The following RHOA variants were observed in gnomAD, a reference collection of about 807,000 sequenced individuals.
RHOA encodes ras homolog family member A.
In RHOA, 3 loss-of-function variants were observed where a neutral mutation model predicts 17.5. The observed-to-expected ratio is 0.17, with a 90% CI of 0.08 to 0.44. The LOEUF is 0.44. RHOA is among the 20% of genes least tolerant of loss of function. The pLI, the probability that RHOA is intolerant of heterozygous loss-of-function variation, is 0.99. For missense variants in RHOA, 56 were observed against 242.3 expected (o/e 0.23, Z 5.10); for synonymous variants, 98 against 88.4 (o/e 1.11, Z -0.61).
At chr3:49,396,056 C>A (rs1456914559) in intron 1 of RHOA, among the ~76,000 whole-genome samples, 1 of 152,034 alleles carries the variant, frequency 6.6e-6, no homozygotes, top group Non-Finnish European at 1.5e-5. Flanking sequence ...CCAGAAATAA[C>A]TGAAATGCTC....
chr3:49,378,927 A>C (rs552508401), intron 1 of RHOA, among the ~76,000 whole-genome samples: 27 of 152,288 alleles, frequency 1.8e-4, no homozygotes, highest in African/African-American at 6.5e-4. Context: ...ATTAAAAAAT[A>C]AAGAACTCTT....
chr3:49,378,645 C>T (rs889733228), intron 1 of RHOA, among the ~76,000 whole-genome samples: 2 of 152,150 alleles, frequency 1.3e-5, no homozygotes, highest in Non-Finnish European at 2.9e-5. Flanking sequence ...GTCACCAAGG[C>T]TGGAATGCAG....
At chr3:49,391,733 C>A (rs1398642857) in intron 1 of RHOA, among the ~76,000 whole-genome samples, 1 of 151,718 alleles carries the variant, frequency 6.6e-6, no homozygotes, top group Non-Finnish European at 1.5e-5. Context: ...CTGGTCTGAA[C>A]TTCCCAACCT....
At chr3:49,376,082 CCA>C (rs2048221990) in intron 1 of RHOA, among the ~76,000 whole-genome samples, 3 of 152,032 alleles carry the variant, frequency 2.0e-5, no homozygotes, top group African/African-American at 7.2e-5. Context: ...CTCAGGTGAT[CCA>C]CCTGCCTCAG....
chr3:49,359,250 C>G lies in RHOA; in HGVS notation c.*959G>C. The G allele has an allele frequency of 1.0e-5, 2 of 192,824 alleles. No homozygotes were observed. Among genetic ancestry groups the G allele is most frequent in the Non-Finnish European group, 2.2e-5 (2 of 92,040 alleles). The allele number at this position is 192,824 out of a possible 1,614,324, so 11.9% of individuals were successfully genotyped here. A position where few individuals can be genotyped will look rare whatever the true frequency, so the allele number is the denominator to read the frequency against. ...AGAGACTGAGTGCCACCCATGAGAACTGGTGGCTCCTCTGGGAGGGAACCT... is the reference window on the plus strand; with the variant it reads ...AGAGACTGAGTGCCACCCATGAGAAGTGGTGGCTCCTCTGGGAGGGAACCT... On this transcript the variant is annotated 3_prime_UTR_variant, in exon 5 of 5. Transcript: ENST00000418115.
intron 3 of RHOA, among the ~76,000 whole-genome samples, chr3:49,367,625 G>A (rs1252049171): frequency 6.6e-6 from 1 of 151,828 alleles, no homozygotes; most frequent in Non-Finnish European, 1.5e-5. Flanking sequence ...AGGCTCAAGT[G>A]ATTCTCCTGC....
intron 3 of RHOA, among the ~76,000 whole-genome samples, chr3:49,364,579 T>G (rs1246607465): frequency 6.6e-6 from 1 of 151,994 alleles, no homozygotes; most frequent in East Asian, 1.9e-4. Context: ...GGAAATTCCT[T>G]GAACCAGGGA....
chr3:49,373,883 A>C (rs1035458900), intron 2 of RHOA, among the ~76,000 whole-genome samples: 1 of 152,080 alleles, frequency 6.6e-6, no homozygotes, highest in Non-Finnish European at 1.5e-5. Flanking sequence ...TTAAAAAAAA[A>C]AACAAAAACA....
chr3:49,371,412 T>C (rs1160886386), intron 2 of RHOA, among the ~76,000 whole-genome samples: 2 of 151,980 alleles, frequency 1.3e-5, no homozygotes, highest in Non-Finnish European at 2.9e-5. Flanking sequence ...CCCAAGTAGC[T>C]GGGATTACAA....
At chr3:49,391,227 A>C (rs1051121711) in intron 1 of RHOA, among the ~76,000 whole-genome samples, 2 of 138,204 alleles carry the variant, frequency 1.4e-5, no homozygotes, top group Non-Finnish European at 3.1e-5. Flanking sequence ...AAAAAAAAAA[A>C]AAAGAAATAC....
intron 1 of RHOA, among the ~76,000 whole-genome samples, chr3:49,389,357 A>AATAGGGACTCTCC (rs2048457755): frequency 6.6e-6 from 1 of 151,848 alleles, no homozygotes; most frequent in Non-Finnish European, 1.5e-5. Flanking sequence ...GGATGAGGCT[A>AATAGGGACTCTCC]ATAGGGACTC....
intron 1 of RHOA, among the ~76,000 whole-genome samples, chr3:49,391,640 T>C (rs1448608841): frequency 2.6e-5 from 4 of 151,706 alleles, no homozygotes; most frequent in Non-Finnish European, 2.9e-5. Flanking sequence ...GCCTCCCCGG[T>C]AGCTGGGATT....
intron 1 of RHOA, among the ~76,000 whole-genome samples, chr3:49,393,186 C>A (rs985732982): frequency 1.3e-5 from 2 of 151,918 alleles, no homozygotes; most frequent in Non-Finnish European, 2.9e-5. Flanking sequence ...ATAAAAAAAT[C>A]AGGTATTTTA....
intron 1 of RHOA, among the ~76,000 whole-genome samples, chr3:49,394,352 T>C (rs2048576765): frequency 1.3e-5 from 2 of 150,878 alleles, no homozygotes; most frequent in South Asian, 4.2e-4. Flanking sequence ...AAACCACTTT[T>C]TTGTTTTTGT....
intron 1 of RHOA, among the ~76,000 whole-genome samples, chr3:49,393,727 T>TGAGAGAGA (rs1439102234): frequency 5.3e-5 from 7 of 132,278 alleles, no homozygotes; most frequent in East Asian, 4.5e-4. Flanking sequence ...TGTGTGTGTG[T>TGAGAGAGA]GTGACAGAAT....
intron 1 of RHOA, among the ~76,000 whole-genome samples, chr3:49,390,475 A>C (rs1259175790): frequency 2.0e-5 from 3 of 151,424 alleles, no homozygotes. Context: ...TGTTGGCCAG[A>C]CTAGTCTTGA....
chr3:49,368,261 A>G (rs2048091081), intron 3 of RHOA, among the ~76,000 whole-genome samples, 167 bp downstream of exon 3: 1 of 152,078 alleles, frequency 6.6e-6, no homozygotes, highest in Non-Finnish European at 1.5e-5. Flanking sequence ...CTAGGCTGAA[A>G]GGGACCCAAG....
intron 4 of RHOA, among the ~76,000 whole-genome samples, chr3:49,361,550 T>A (rs1326565949): frequency 6.6e-6 from 1 of 152,184 alleles, no homozygotes; most frequent in African/African-American, 2.4e-5. Flanking sequence ...ATCTTTGGCC[T>A]CACATGTACC....
chr3:49,374,135 G>C (rs184896915), intron 2 of RHOA, among the ~76,000 whole-genome samples: 1 of 152,118 alleles, frequency 6.6e-6, no homozygotes, highest in East Asian at 1.9e-4. Context: ...CAGATCACAA[G>C]ATCAGGAGAT....
Sources: allele counts gnomAD v4.1 joint callset (sites outside exome capture counted in the v4.1 genomes callset), GRCh38; gene constraint gnomAD v4.1.1; transcripts MANE v1.5; gene names NCBI Gene and HGNC (gene_info 2026-07-23, HGNC 2026-07-21).